CLTC: variants seen among roughly 807,000 people sequenced by gnomAD.
The protein encoded by CLTC is clathrin heavy chain.
A neutral mutation model predicts 195.8 loss-of-function variants in CLTC; 16 were observed. The ratio of observed to expected loss-of-function variants is 0.08; its 90% CI spans 0.06 to 0.12. The LOEUF is 0.12. Ranked by LOEUF, CLTC falls within the 10% of genes least tolerant of loss-of-function variation. CLTC has a pLI of 1.00. For missense variants in CLTC, 796 were observed against 2,027.0 expected, an observed-to-expected ratio of 0.39 and a Z score of 11.66; for synonymous variants, 667 against 689.4, an observed-to-expected ratio of 0.97 and a Z score of 0.51.
intron 6 of CLTC, chr17:59,658,514 C>T (rs1187948650): frequency 6.6e-6 from 1 of 152,156 alleles, no homozygotes; most frequent in Admixed American, 6.5e-5. Flanking sequence ...TTACAGTAAC[C>T]TTAGGGCTTT....
chr17:59,688,200 T>C (rs1377959774), intron 30 of CLTC, among the ~76,000 whole-genome samples: 2 of 152,224 alleles, frequency 1.3e-5, no homozygotes, highest in Admixed American at 6.5e-5. Context: ...GAAACTCTTA[T>C]AGCATTGCTG....
intron 1 of CLTC, among the ~76,000 whole-genome samples, chr17:59,621,716 C>T (rs548003427): frequency 6.6e-6 from 1 of 152,116 alleles, no homozygotes; most frequent in Non-Finnish European, 1.5e-5. Context: ...AATAAAAACA[C>T]TTTTACAGAG....
intron 16 of CLTC, 72 bp downstream of exon 16, chr17:59,674,915 T>G: frequency 7.0e-7 from 1 of 1,438,002 alleles, no homozygotes; most frequent in South Asian, 1.2e-5. Context: ...TAGGTAGTCA[T>G]TTGTTCCAAA....
chr17:59,666,683 GATT>G lies in CLTC; in HGVS notation c.1947+41_1947+43del. 1 of 1,582,588 alleles carries G rather than the reference GATT, an allele frequency of 6.3e-7. No individual in the cohort carries two copies. Among genetic ancestry groups the G allele is most frequent in the Non-Finnish European group, 8.6e-7 (1 of 1,158,634 alleles). ...TTACCTAATAGATGGTGTTAGTTGTGATTAATAGGTACACTGAAAATGTGTTTG... is the reference window on the plus strand; with the variant it reads ...TTACCTAATAGATGGTGTTAGTTGTGAATAGGTACACTGAAAATGTGTTTG... On this transcript the variant is annotated intron_variant, in intron 12 of 31. Transcript: ENST00000269122. The surrounding 1 kb of genome is among the most constrained non-coding windows in gnomAD (Gnocchi z 4.9).
chr17:59,659,757 A>C (rs370660360), intron 6 of CLTC, among the ~76,000 whole-genome samples: 2 of 151,800 alleles, frequency 1.3e-5, no homozygotes, highest in East Asian at 1.9e-4. Context: ...CTATTTTTTC[A>C]AGCACCTACC....
rs768917561 is a variant in CLTC, at chr17:59,680,904, C to T, written c.2920-8C>T. ...TCTCAGTACTTATGTCCCATATATCCTCTGTAGGTTGTACAAACAGCTTTG... is the reference window on the plus strand; with the variant it reads ...TCTCAGTACTTATGTCCCATATATCTTCTGTAGGTTGTACAAACAGCTTTG... On this transcript the variant is annotated splice_region_variant and splice_polypyrimidine_tract_variant and intron_variant, in intron 18 of 31. Transcript: ENST00000269122. 39 of 1,605,900 alleles carry T rather than the reference C, an allele frequency of 2.4e-5. No homozygotes were observed. The highest frequency in any genetic ancestry group is 6.7e-5 in the South Asian group (6 of 89,498).
chr17:59,655,509 C>T (rs1181182333), intron 5 of CLTC, among the ~76,000 whole-genome samples: 2 of 152,156 alleles, frequency 1.3e-5, no homozygotes, highest in Non-Finnish European at 2.9e-5. Flanking sequence ...GAAAATAGTG[C>T]CAATAGGCTT....
intron 16 of CLTC, among the ~76,000 whole-genome samples, chr17:59,675,239 G>A (rs2032940474): frequency 6.6e-6 from 1 of 152,074 alleles, no homozygotes; most frequent in Non-Finnish European, 1.5e-5. Flanking sequence ...AAACAGTGTG[G>A]TGTTTAAGTG....
intron 30 of CLTC, among the ~76,000 whole-genome samples, chr17:59,686,401 T>A (rs1289428974): frequency 1.3e-5 from 2 of 152,184 alleles, no homozygotes; most frequent in African/African-American, 4.8e-5. Context: ...CTTCAGCAGT[T>A]ACTAGCTGTC....
intron 31 of CLTC, among the ~76,000 whole-genome samples, chr17:59,692,947 C>T (rs982504845): frequency 2.0e-5 from 3 of 152,198 alleles, no homozygotes; most frequent in Middle Eastern, 6.8e-3. Context: ...CCAAATGTGT[C>T]TTATTTTTAA....
chr17:59,665,086 G>A (rs1026647805), intron 10 of CLTC, among the ~76,000 whole-genome samples, 177 bp downstream of exon 10: 2 of 152,216 alleles, frequency 1.3e-5, no homozygotes, highest in East Asian at 3.9e-4. Context: ...TCAGCTGCAT[G>A]TGGTGGCACA....
intron 14 of CLTC, among the ~76,000 whole-genome samples, chr17:59,669,406 T>C (rs537639083): frequency 6.6e-6 from 1 of 152,292 alleles, no homozygotes; most frequent in East Asian, 1.9e-4. Context: ...AAAATATTGT[T>C]ATTCATATAT....
rs2033160077 is a variant in CLTC at position 59,685,281 on chromosome 17, C to A, written c.4605+55C>A. 2 of 1,463,918 alleles carry A rather than the reference C, an allele frequency of 1.4e-6. No homozygotes were observed. Among genetic ancestry groups the A allele is most frequent in the South Asian group, 2.7e-5 (2 of 73,692 alleles). The allele number at this position is 1,463,918 out of a possible 1,614,324, so 90.7% of individuals were successfully genotyped here. A position where few individuals can be genotyped will look rare whatever the true frequency, so the allele number is the denominator to read the frequency against. On this transcript the variant is annotated intron_variant, in intron 29 of 31. Coordinates refer to ENST00000269122, the MANE Select transcript of CLTC (RefSeq NM_004859.4). This position sits in a 1 kb window ranked among gnomAD's most constrained non-coding sequence, Gnocchi z 5.0. ...TTAAACCAGGCCTAAAATGGTGTTA[C>A]AAGTGATTATAATCTATAAATAAAA...
At chr17:59,649,750 C>T (rs2032284957) in intron 4 of CLTC, among the ~76,000 whole-genome samples, 1 of 151,996 alleles carries the variant, frequency 6.6e-6, no homozygotes, top group African/African-American at 2.4e-5. Flanking sequence ...TCACGATAGC[C>T]CCTGAATTGA....
rs1169784281 is a variant in CLTC at position 59,696,090 on chromosome 17, GTCTA to G, written c.*2242_*2245del. On this transcript the variant is annotated 3_prime_UTR_variant, in exon 32 of 32. Transcript: ENST00000269122. ...ACTACCTTTGAATTTGGAGCCATCA[GTCTA>G]TCTGAGGCAAACCTCAGAAATTACC... 1 of 213,600 alleles carries G rather than the reference GTCTA, an allele frequency of 4.7e-6. No individual in the cohort carries two copies. Among genetic ancestry groups the G allele is most frequent in the Non-Finnish European group, 9.5e-6 (1 of 105,812 alleles). 13.2% of individuals were successfully genotyped at this position (213,600 alleles called of 1,614,324 possible).
chr17:59,691,072 G>C (rs1011681429), intron 31 of CLTC, among the ~76,000 whole-genome samples: 1 of 152,178 alleles, frequency 6.6e-6, no homozygotes, highest in African/African-American at 2.4e-5. Flanking sequence ...TCTTTAGTAT[G>C]CTTTACATAA....
Position 59,681,509 on chromosome 17 carries a change from C to G in CLTC, c.3249+31C>G, listed in dbSNP as rs761362100. 1 of 1,609,378 alleles carries G rather than the reference C, an allele frequency of 6.2e-7. No individual in the cohort carries two copies. The highest frequency in any genetic ancestry group is 1.1e-5 in the South Asian group (1 of 90,740). On this transcript the variant is annotated intron_variant, in intron 20 of 31. Coordinates refer to ENST00000269122, the MANE Select transcript of CLTC (RefSeq NM_004859.4). This position sits in a 1 kb window ranked among gnomAD's most constrained non-coding sequence, Gnocchi z 5.0. The stretch of plus-strand genomic sequence containing the variant: ...TCTTCAGATTACCTAAGTTGAATTA[C>G]TAAACACTGTGCTATGAGGGTGGGC...
chr17:59,661,237 G>A (rs1473973570), intron 7 of CLTC, among the ~76,000 whole-genome samples: 1 of 151,648 alleles, frequency 6.6e-6, no homozygotes, highest in Non-Finnish European at 1.5e-5. Flanking sequence ...GGGTATGAAA[G>A]ACAGTGACTA....
chr17:59,658,935 CTTCA>C (rs2032542423), intron 6 of CLTC: 1 of 152,134 alleles, frequency 6.6e-6, no homozygotes, highest in Admixed American at 6.5e-5. Context: ...GTTGAAATTT[CTTCA>C]TTTTCCCTGA....
Sources: gnomAD v4.1 joint callset for allele counts (sites outside exome capture counted in the v4.1 genomes callset) on GRCh38, gnomAD v4.1.1 for gene constraint, Gnocchi (gnomAD v3.1) non-coding constraint, MANE v1.5 for transcripts, NCBI Gene and HGNC (gene_info 2026-07-23, HGNC 2026-07-21) for gene names.